Variants in NOX4 observed in about 807,000 individuals in gnomAD.
The protein encoded by NOX4 is kidney oxidase-1.
Under a neutral mutation model 87.6 loss-of-function variants are expected in NOX4, and 69 were observed. The ratio of observed to expected loss-of-function variants is 0.79; its 90% confidence interval spans 0.65 to 0.96. NOX4 has a LOEUF of 0.96. Among genes scored for constraint, NOX4 ranks in the 40% least tolerant of loss-of-function variants. The probability of loss-of-function intolerance (pLI) is 0.00; values close to 1 mark genes in which losing one functional copy is unlikely to be tolerated. For missense variants in NOX4, 680 were observed against 681.5 expected (o/e 1.00, Z 0.02); for synonymous variants, 275 against 238.2 (o/e 1.15, Z -1.42).
rs568789171 is a variant in NOX4, at chr11:89,384,774, G to T, written c.1075-11282C>A. ...GTGCAGTCAGAATTCTTACACAAGA[G>T]CTGGGACCGCACCCTGTAGCCTTTC... On this transcript the variant is annotated intron_variant, in intron 11 of 17. Transcript: ENST00000263317. Among the ~76,000 whole-genome samples the T allele has an allele frequency of 9.2e-5, 14 of 152,224 alleles. No homozygotes were observed. In the East Asian group the frequency reaches 2.7e-3, roughly 29 times the overall value.
At chr11:89,531,883 C>T in the NOX4 span, among the ~76,000 whole-genome samples, 2 of 152,238 alleles carry the variant, frequency 1.3e-5, no homozygotes, top group African/African-American at 4.8e-5. Context: ...CCAGGCACTC[C>T]AGCTCCAACC....
chr11:89,440,575 T>C, intron 6 of NOX4, 113 bp downstream of exon 6: 1 of 594,652 alleles, frequency 1.7e-6, no homozygotes, highest in Non-Finnish European at 2.8e-6. Context: ...TCCGCCCGCC[T>C]CAGCCTCCCA....
the NOX4 span, among the ~76,000 whole-genome samples, chr11:89,572,917 T>A: frequency 6.6e-6 from 1 of 152,172 alleles, no homozygotes; most frequent in Non-Finnish European, 1.5e-5. Context: ...TGTAGTCTTA[T>A]ACTTTATAAT....
chr11:89,352,239 C>A (rs115096149), intron 13 of NOX4, among the ~76,000 whole-genome samples: 1 of 152,150 alleles, frequency 6.6e-6, no homozygotes. Flanking sequence ...ATCAAAATTA[C>A]ATACGTACCA....
chr11:89,361,817 T>C (rs1261987402), intron 12 of NOX4, among the ~76,000 whole-genome samples: 2 of 152,100 alleles, frequency 1.3e-5, no homozygotes, highest in African/African-American at 4.8e-5. Flanking sequence ...GTCATGTAGT[T>C]GATACAGAGA....
chr11:89,554,787 T>A, the NOX4 span, among the ~76,000 whole-genome samples: 2 of 152,112 alleles, frequency 1.3e-5, no homozygotes, highest in African/African-American at 4.8e-5. Context: ...TAAAAACCAA[T>A]CTGATGTATT....
chr11:89,462,972 A>G (rs1375228351), intron 2 of NOX4, among the ~76,000 whole-genome samples: 7 of 152,004 alleles, frequency 4.6e-5, no homozygotes, highest in Non-Finnish European at 5.9e-5. Context: ...CCAAATACAT[A>G]GATGTAAATT....
intron 13 of NOX4, among the ~76,000 whole-genome samples, chr11:89,343,150 G>A (rs192247380): frequency 7.6e-4 from 115 of 152,210 alleles, no homozygotes; most frequent in African/African-American, 2.6e-3. Flanking sequence ...AGAACTCAGC[G>A]TTCTAGTCAT....
At chr11:89,426,943 C>T (rs1329866345) in intron 7 of NOX4, among the ~76,000 whole-genome samples, 2 of 152,176 alleles carry the variant, frequency 1.3e-5, no homozygotes, top group South Asian at 4.1e-4. Context: ...GTCCCTGACC[C>T]CCGAGTAGCC....
At chr11:89,359,573 C>T (rs570893213) in intron 12 of NOX4, among the ~76,000 whole-genome samples, 12 of 151,964 alleles carry the variant, frequency 7.9e-5, no homozygotes, top group African/African-American at 2.4e-4. Context: ...ATGATTAATG[C>T]TATTCTTGTA....
the NOX4 span, among the ~76,000 whole-genome samples, chr11:89,562,874 G>C: frequency 6.6e-6 from 1 of 152,150 alleles, no homozygotes; most frequent in Non-Finnish European, 1.5e-5. Flanking sequence ...CACATGTTGA[G>C]GGAGGGACCT....
At position 89,373,934 on chromosome 11, in the gene NOX4, T is replaced by C. The variant is rs1939648940; in HGVS notation, c.1075-442A>G. Among the ~76,000 whole-genome samples, 3 of 152,026 alleles carry C rather than the reference T, an allele frequency of 2.0e-5. No homozygotes were observed. The South Asian group carries it at 6.2e-4, about 31-fold the overall frequency. On this transcript the variant is annotated intron_variant, in intron 11 of 17. Coordinates refer to ENST00000263317, the MANE Select transcript of NOX4 (RefSeq NM_016931.5). ...AAAAAAATTCTTAATGTGACATTAA[T>C]TTTCCATGCCCAACAATTATGCTCC...
chr11:89,392,911 C>G (rs1591099013), intron 11 of NOX4, among the ~76,000 whole-genome samples: 1 of 152,186 alleles, frequency 6.6e-6, no homozygotes, highest in African/African-American at 2.4e-5. Flanking sequence ...ATAACAGAGA[C>G]CATTTGGAAG....
At chr11:89,508,049 C>T in the NOX4 span, among the ~76,000 whole-genome samples, 1 of 151,804 alleles carries the variant, frequency 6.6e-6, no homozygotes. Flanking sequence ...ATATATACAA[C>T]CAGGAAGATC....
At chr11:89,535,158 C>T in the NOX4 span, among the ~76,000 whole-genome samples, 2 of 152,040 alleles carry the variant, frequency 1.3e-5, no homozygotes, top group Non-Finnish European at 2.9e-5. Context: ...TATAAAAGAA[C>T]CATTAAATCT....
At chr11:89,425,517 G>A (rs1291878608) in intron 7 of NOX4, among the ~76,000 whole-genome samples, 2 of 151,420 alleles carry the variant, frequency 1.3e-5, no homozygotes, top group Admixed American at 1.3e-4. Context: ...CATCAGTAAA[G>A]AGAATAATAA....
intron 11 of NOX4, among the ~76,000 whole-genome samples, chr11:89,399,424 AG>A (rs553681280): frequency 3.2e-3 from 361 of 113,650 alleles, no homozygotes; most frequent in African/African-American, 0.012. Context: ...TAAATATTCA[AG>A]AAATTAAATA....
the NOX4 span, among the ~76,000 whole-genome samples, chr11:89,563,956 A>G: frequency 6.6e-6 from 1 of 152,128 alleles, no homozygotes. Context: ...CTTTACATAT[A>G]ATTTAAATTT....
At chr11:89,427,200 T>A (rs1018089656) in intron 7 of NOX4, among the ~76,000 whole-genome samples, 7 of 151,754 alleles carry the variant, frequency 4.6e-5, no homozygotes, top group African/African-American at 1.7e-4. Flanking sequence ...AGAAAAGACA[T>A]CCACACCAAA....
Sources: gnomAD v4.1 joint callset for allele counts (sites outside exome capture counted in the v4.1 genomes callset) on GRCh38, gnomAD v4.1.1 for gene constraint, MANE v1.5 for transcripts, NCBI Gene and HGNC (gene_info 2026-07-23, HGNC 2026-07-21) for gene names.